KHDRBS2: variants seen among roughly 807,000 people sequenced by gnomAD.
The protein encoded by KHDRBS2 is KH RNA binding domain containing, signal transduction associated 2.
A neutral mutation model predicts 44.3 loss-of-function variants in KHDRBS2; 26 were observed. The observed-to-expected ratio is 0.59, with a 90% CI of 0.43 to 0.81. KHDRBS2 has a LOEUF of 0.81. KHDRBS2 is among the 40% of genes least tolerant of loss of function. KHDRBS2 has a pLI of 0.00. For synonymous variants in KHDRBS2, 194 were observed against 151.1 expected, an observed-to-expected ratio of 1.28 and a Z score of -2.08; for missense variants, 476 against 433.1, an observed-to-expected ratio of 1.10 and a Z score of -0.88.
intron 1 of KHDRBS2, among the ~76,000 whole-genome samples, chr6:62,200,631 T>C (rs1041517855): frequency 6.6e-6 from 1 of 152,234 alleles, no homozygotes; most frequent in Non-Finnish European, 1.5e-5. Context: ...TTTTACACTG[T>C]TGGTGGGACC....
intron 1 of KHDRBS2, among the ~76,000 whole-genome samples, chr6:62,268,683 G>GA (rs1199086381): frequency 1.3e-5 from 2 of 151,792 alleles, no homozygotes; most frequent in African/African-American, 2.4e-5. Flanking sequence ...GTTAATAGAG[G>GA]AAAAAATGTT....
At chr6:62,100,543 G>T (rs1253700560) in intron 2 of KHDRBS2, among the ~76,000 whole-genome samples, 2 of 152,108 alleles carry the variant, frequency 1.3e-5, no homozygotes, top group African/African-American at 2.4e-5. Flanking sequence ...TTATTGTGTT[G>T]TCTTTTACAA....
chr6:61,952,385 A>T (rs1764938981), intron 4 of KHDRBS2, among the ~76,000 whole-genome samples: 1 of 152,010 alleles, frequency 6.6e-6, no homozygotes, highest in African/African-American at 2.4e-5. Flanking sequence ...TCTTCCACCT[A>T]ATCTTTTTTC....
At chr6:61,558,840 T>TGGTC in the KHDRBS2 span, among the ~76,000 whole-genome samples, 1 of 152,230 alleles carries the variant, frequency 6.6e-6, no homozygotes. Context: ...GCCTAACATA[T>TGGTC]GGTCTATCAT....
Position 62,126,730 on chromosome 6 carries a change from C to T in KHDRBS2, c.219+50455G>A, listed in dbSNP as rs368373162. Reference sequence around the variant, plus strand: ...TATTTTCTATGAAAGGCTTGTTCCTCATTTCAAAGTTTTCCAATCTTCATA... The same window carrying T: ...TATTTTCTATGAAAGGCTTGTTCCTTATTTCAAAGTTTTCCAATCTTCATA... On this transcript the variant is annotated intron_variant, in intron 2 of 8. Transcript: ENST00000281156. Among the ~76,000 whole-genome samples the T allele has an allele frequency of 1.4e-3, 218 of 152,306 alleles. 1 individual carries two copies. The highest frequency in any genetic ancestry group is 5.0e-3 in the African/African-American group (208 of 41,560).
chr6:62,112,345 T>G (rs1448401181), intron 2 of KHDRBS2, among the ~76,000 whole-genome samples: 1 of 152,198 alleles, frequency 6.6e-6, no homozygotes, highest in East Asian at 1.9e-4. Flanking sequence ...GCGGCTTTGA[T>G]GGGGGAAATG....
intron 2 of KHDRBS2, among the ~76,000 whole-genome samples, chr6:62,078,098 C>A (rs1796690089): frequency 6.6e-6 from 1 of 152,014 alleles, no homozygotes; most frequent in Non-Finnish European, 1.5e-5. Context: ...ATCTGCATAA[C>A]ACCTTGCTTG....
At chr6:61,848,485 A>ACTTTTTTTTAACTCGAT (rs1442968974) in intron 6 of KHDRBS2, among the ~76,000 whole-genome samples, 1 of 46,118 alleles carries the variant, frequency 2.2e-5, no homozygotes, top group Non-Finnish European at 3.8e-5. Flanking sequence ...ATATATATAT[A>ACTTTTTTTTAACTCGAT]TATATGTATA....
At chr6:61,579,271 T>C in the KHDRBS2 span, among the ~76,000 whole-genome samples, 4 of 152,168 alleles carry the variant, frequency 2.6e-5, no homozygotes, top group Admixed American at 6.5e-5. Flanking sequence ...AATAAACTAT[T>C]TGGACTCCGT....
chr6:62,106,927 T>C (rs554718286), intron 2 of KHDRBS2, among the ~76,000 whole-genome samples: 3 of 152,034 alleles, frequency 2.0e-5, no homozygotes, highest in Admixed American at 6.6e-5. Context: ...AAATTAGGTA[T>C]TGATGGGATA....
intron 6 of KHDRBS2, among the ~76,000 whole-genome samples, chr6:61,806,466 C>T (rs1000323522): frequency 3.9e-5 from 6 of 152,124 alleles, no homozygotes; most frequent in Admixed American, 6.6e-5. Context: ...TGACTTCAAC[C>T]ACGTGAAGGA....
intron 6 of KHDRBS2, among the ~76,000 whole-genome samples, chr6:61,760,450 T>C (rs1406762177): frequency 6.6e-6 from 1 of 151,900 alleles, no homozygotes. Context: ...CTGGGCAACA[T>C]GACAAAACCT....
chr6:62,066,544 G>A (rs1000507966), intron 2 of KHDRBS2, among the ~76,000 whole-genome samples: 21 of 151,642 alleles, frequency 1.4e-4, no homozygotes, highest in Non-Finnish European at 3.0e-4. Context: ...TTGTTTAAAT[G>A]TCACATAAGT....
chr6:61,758,296 G>T (rs1778806977), intron 6 of KHDRBS2, among the ~76,000 whole-genome samples: 1 of 151,580 alleles, frequency 6.6e-6, no homozygotes, highest in Non-Finnish European at 1.5e-5. Flanking sequence ...GTTTTTTGTT[G>T]TTTTAGGTCA....
chr6:61,716,140 A>G (rs936085605), intron 7 of KHDRBS2, among the ~76,000 whole-genome samples: 4 of 152,010 alleles, frequency 2.6e-5, no homozygotes, highest in Middle Eastern at 3.4e-3. Flanking sequence ...TTTTCGGGAT[A>G]CTCATATCTG....
At chr6:61,901,716 G>A (rs560847620) in intron 4 of KHDRBS2, among the ~76,000 whole-genome samples, 2 of 152,136 alleles carry the variant, frequency 1.3e-5, no homozygotes, top group South Asian at 2.1e-4. Flanking sequence ...TTAATATGAC[G>A]ATTACTACAA....
At chr6:61,709,596 T>C (rs1019570362) in intron 7 of KHDRBS2, among the ~76,000 whole-genome samples, 1 of 151,758 alleles carries the variant, frequency 6.6e-6, no homozygotes, top group African/African-American at 2.4e-5. Flanking sequence ...TATTTTTTGC[T>C]TACTTTGACC....
chr6:61,791,970 T>A (rs532450063), intron 6 of KHDRBS2, among the ~76,000 whole-genome samples: 1 of 151,500 alleles, frequency 6.6e-6, no homozygotes, highest in Non-Finnish European at 1.5e-5. Flanking sequence ...TCCTTCATGG[T>A]CTGTGTGTTT....
At chr6:61,971,613 C>A (rs1309877427) in intron 4 of KHDRBS2, among the ~76,000 whole-genome samples, 1 of 151,990 alleles carries the variant, frequency 6.6e-6, no homozygotes, top group Non-Finnish European at 1.5e-5. Context: ...TTTCAAGAGG[C>A]TAATCGAACT....
Sources: gnomAD v4.1 joint callset for allele counts (sites outside exome capture counted in the v4.1 genomes callset) on GRCh38, gnomAD v4.1.1 for gene constraint, MANE v1.5 for transcripts, NCBI Gene and HGNC (gene_info 2026-07-23, HGNC 2026-07-21) for gene names.